Variants in ARL15 observed in about 807,000 individuals in gnomAD.
The protein encoded by ARL15 is ADP-ribosylation factor-like protein 15.
Under a neutral mutation model 25.2 loss-of-function variants are expected in ARL15, and 19 were observed. The observed-to-expected ratio is 0.75, with a 90% CI of 0.53 to 1.10. The LOEUF is 1.10. Among genes scored for constraint, ARL15 ranks in the 50% least tolerant of loss-of-function variants. The probability of loss-of-function intolerance (pLI) is 0.00; values close to 1 mark genes in which losing one functional copy is unlikely to be tolerated. For synonymous variants in ARL15, 94 were observed against 86.8 expected, an observed-to-expected ratio of 1.08 and a Z score of -0.46; for missense variants, 220 against 246.0, an observed-to-expected ratio of 0.89 and a Z score of 0.71.
chr5:54,051,401 T>C lies in ARL15; in HGVS notation c.462+61801A>G, dbSNP rs546033200. ...TACAACATGCAGCTGAAACTTTTTC[T>C]TCCTGTTCCTTTGCTTTAATAGTTT... is the stretch of plus-strand genomic sequence containing the variant. On this transcript the variant is annotated intron_variant, in intron 4 of 4. Coordinates refer to ENST00000504924, the MANE Select transcript of ARL15 (RefSeq NM_019087.3). Among the ~76,000 whole-genome samples the C allele has an allele frequency of 2.6e-3, 401 of 152,350 alleles. 1 individual carries two copies. The highest frequency in any genetic ancestry group is 4.7e-3 in the Non-Finnish European group (319 of 68,020).
chr5:53,906,366 G>GGTTT lies in ARL15; in HGVS notation c.463-19657_463-19654dup, dbSNP rs1745250498. Among the ~76,000 whole-genome samples, 2 of 152,078 alleles carry GGTTT rather than the reference G, an allele frequency of 1.3e-5. 1 individual carries two copies. The highest frequency in any genetic ancestry group is 4.1e-4 in the South Asian group (2 of 4,824). On this transcript the variant is annotated intron_variant, in intron 4 of 4. Coordinates refer to ENST00000504924, the MANE Select transcript of ARL15 (RefSeq NM_019087.3). ...AAAAAGCATTGTACTATGGGATGGG[G>GGTTT]GTTTGACAGGTTCCAGCATGACCAC...
chr5:53,922,238 C>A (rs746084222), intron 4 of ARL15, among the ~76,000 whole-genome samples: 1 of 152,080 alleles, frequency 6.6e-6, no homozygotes, highest in African/African-American at 2.4e-5. Context: ...CATTCAGTTC[C>A]GTTTAGTTCA....
At chr5:54,050,388 C>T (rs1315938770) in intron 4 of ARL15, among the ~76,000 whole-genome samples, 1 of 152,208 alleles carries the variant, frequency 6.6e-6, no homozygotes, top group Non-Finnish European at 1.5e-5. Flanking sequence ...CTTTACTAGA[C>T]AAGCAAGAAT....
At chr5:54,252,693 T>A (rs1244018465) in intron 1 of ARL15, among the ~76,000 whole-genome samples, 3 of 151,932 alleles carry the variant, frequency 2.0e-5, no homozygotes, top group African/African-American at 4.8e-5. Context: ...CCTTAGGGGG[T>A]GCTCCAGAGA....
intron 3 of ARL15, among the ~76,000 whole-genome samples, chr5:54,137,390 T>C (rs1394900017): frequency 1.6e-4 from 24 of 152,204 alleles, no homozygotes; most frequent in Admixed American, 1.5e-3. Flanking sequence ...GCTCACATTG[T>C]ATTGCCATGG....
At chr5:54,091,228 G>A (rs1238038357) in intron 4 of ARL15, among the ~76,000 whole-genome samples, 4 of 152,060 alleles carry the variant, frequency 2.6e-5, no homozygotes, top group African/African-American at 4.8e-5. Context: ...GGCGAGAAAC[G>A]CAATTAAAGT....
At chr5:54,230,346 GA>G (rs137882615) in intron 1 of ARL15, among the ~76,000 whole-genome samples, 44,763 of 91,708 alleles carry the variant, frequency 0.49, 7,765 homozygotes, top group Non-Finnish European at 0.54. Context: ...TTCCATCTCA[GA>G]AAAAAAAAAA....
intron 4 of ARL15, among the ~76,000 whole-genome samples, chr5:53,995,287 G>A (rs915467155): frequency 8.1e-6 from 1 of 123,602 alleles, no homozygotes; most frequent in Non-Finnish European, 1.6e-5. Context: ...CTGGGAGACA[G>A]AGCGAGACTC....
At chr5:53,980,948 T>C (rs1385270323) in intron 4 of ARL15, among the ~76,000 whole-genome samples, 1 of 152,000 alleles carries the variant, frequency 6.6e-6, no homozygotes, top group Non-Finnish European at 1.5e-5. Context: ...GCTACTGCAC[T>C]CCAGCCTGGG....
intron 4 of ARL15, among the ~76,000 whole-genome samples, chr5:53,887,743 C>T (rs1210153271): frequency 1.3e-5 from 2 of 152,110 alleles, no homozygotes; most frequent in African/African-American, 2.4e-5. Context: ...TAACAAATTT[C>T]GTTAAATCTC....
intron 4 of ARL15, among the ~76,000 whole-genome samples, chr5:54,011,455 TTAAA>T (rs1269923968): frequency 6.6e-6 from 1 of 152,174 alleles, no homozygotes; most frequent in Non-Finnish European, 1.5e-5. Context: ...TTGTTTGTTT[TTAAA>T]TAAATAACAG....
intron 1 of ARL15, among the ~76,000 whole-genome samples, chr5:54,238,446 C>T (rs906201821): frequency 5.3e-5 from 8 of 152,126 alleles, no homozygotes; most frequent in Non-Finnish European, 1.5e-5. Flanking sequence ...GAAACCTTCC[C>T]GACTTCTAAA....
At chr5:53,934,498 A>T (rs1366122613) in intron 4 of ARL15, among the ~76,000 whole-genome samples, 1 of 152,176 alleles carries the variant, frequency 6.6e-6, no homozygotes, top group African/African-American at 2.4e-5. Flanking sequence ...GCCCAAAGAC[A>T]GGAGATTTAA....
At chr5:54,044,455 A>G (rs893576204) in intron 4 of ARL15, among the ~76,000 whole-genome samples, 1 of 152,034 alleles carries the variant, frequency 6.6e-6, no homozygotes, top group Non-Finnish European at 1.5e-5. Flanking sequence ...ACGTTGGCCA[A>G]GCCGGTCTCA....
In ARL15 at chr5:54,078,637, C is replaced by T. The variant is rs116727899; in HGVS notation, c.462+34565G>A. 6.8e-3 allele frequency among the ~76,000 whole-genome samples: 1,033 copies of T among 152,244 alleles called. 9 individuals are homozygous for T. The highest frequency in any genetic ancestry group is 0.024 in the African/African-American group (983 of 41,534). ...AGTATCCTCCAAAATTTCTGACCTC[C>T]CTAACATTAATAGCTAAAATGACTA... is the stretch of plus-strand genomic sequence containing the variant. On this transcript the variant is annotated intron_variant, in intron 4 of 4. Coordinates refer to ENST00000504924, the MANE Select transcript of ARL15 (RefSeq NM_019087.3).
chr5:54,173,012 G>A (rs1430074695), intron 1 of ARL15, among the ~76,000 whole-genome samples: 2 of 151,796 alleles, frequency 1.3e-5, no homozygotes, highest in Admixed American at 6.6e-5. Flanking sequence ...AACCCAGTCT[G>A]TACTAAAAAT....
intron 4 of ARL15, among the ~76,000 whole-genome samples, chr5:54,020,727 C>G (rs901358437): frequency 6.0e-5 from 9 of 150,490 alleles, no homozygotes; most frequent in Non-Finnish European, 1.3e-4. Flanking sequence ...GCTCAGGTGG[C>G]CGGGAGGTCA....
intron 1 of ARL15, among the ~76,000 whole-genome samples, chr5:54,296,711 C>A (rs1247773791): frequency 6.6e-6 from 1 of 152,250 alleles, no homozygotes; most frequent in African/African-American, 2.4e-5. Context: ...CAAGCAGGGG[C>A]TGGATTTCAG....
intron 4 of ARL15, among the ~76,000 whole-genome samples, chr5:53,953,970 A>G (rs1470706748): frequency 2.0e-5 from 3 of 152,132 alleles, no homozygotes; most frequent in Non-Finnish European, 4.4e-5. Context: ...TGTACATTAA[A>G]CATATGGTAT....
Sources: allele counts gnomAD v4.1 joint callset (sites outside exome capture counted in the v4.1 genomes callset), GRCh38; gene constraint gnomAD v4.1.1; transcripts MANE v1.5; gene names NCBI Gene and HGNC (gene_info 2026-07-23, HGNC 2026-07-21).